CPO: variants seen among roughly 807,000 people sequenced by gnomAD.
The protein encoded by CPO is carboxypeptidase O, also known as metallocarboxypeptidase C.
In CPO, 43 loss-of-function variants were observed where a neutral mutation model predicts 41.2. The observed-to-expected ratio is 1.04, with a 90% CI of 0.82 to 1.35. The LOEUF (loss-of-function observed/expected upper bound fraction) is 1.35. CPO is among the 40% of genes most tolerant of loss of function. CPO has a pLI of 0.00. For missense variants in CPO, 408 were observed against 451.7 expected (o/e 0.90, Z 0.88); for synonymous variants, 178 against 162.7 (o/e 1.09, Z -0.72).
intron 1 of CPO, among the ~76,000 whole-genome samples, chr2:206,941,142 ATAAAC>A (rs201896581): frequency 0.018 from 2,716 of 152,160 alleles, 41 homozygotes; most frequent in Middle Eastern, 0.031. Flanking sequence ...TACTGAGGAA[ATAAAC>A]TAAAGTCTGA....
intron 1 of CPO, among the ~76,000 whole-genome samples, chr2:206,946,697 C>T (rs569509719): frequency 8.3e-4 from 126 of 152,102 alleles, no homozygotes; most frequent in Non-Finnish European, 1.4e-3. Flanking sequence ...ACATGATTAT[C>T]AATGTAGAAA....
chr2:206,955,618 G>T, intron 3 of CPO, 54 bp downstream of exon 3: 1 of 983,528 alleles, frequency 1.0e-6, no homozygotes. Flanking sequence ...AGGAGGATAT[G>T]TGTTTACTAT....
In CPO at chr2:206,949,859, C is replaced by A. The variant is rs117395292; in HGVS notation, c.165+146C>A. ...GCCAATACATTGAGTTCAAGGGATTCCTGAACATCTCCCCACCCGCCACCA... is the reference window on the plus strand; with the variant it reads ...GCCAATACATTGAGTTCAAGGGATTACTGAACATCTCCCCACCCGCCACCA... On this transcript the variant is annotated intron_variant, in intron 2 of 8. Transcript: ENST00000272852. 4.9e-3 allele frequency: 2,289 copies of A among 467,368 alleles called. 106 individuals are homozygous for A. In the East Asian group the frequency reaches 0.066, roughly 14 times the overall value. 29.0% of individuals were successfully genotyped at this position (467,368 alleles called of 1,614,324 possible).
rs749550407 is a variant in CPO at position 206,949,670 on chromosome 2, G to A, written c.122G>A (p.Ser41Asn). Reference protein sequence around the residue: ...EIVDKSVSPWSLETYSYNIYH... With the variant: ...EIVDKSVSPWNLETYSYNIYH... ...GTGGACAAGTCAGTGAGTCCATGGA[G>A]CCTGGAGACGTATTCCTATAACATA... The change falls in exon 2 of 9, where the codon AGC (serine) becomes AAC (asparagine). Residue 41 changes from serine to asparagine, a missense_variant. Coordinates refer to ENST00000272852, the MANE Select transcript of CPO (RefSeq NM_173077.3). The A allele has an allele frequency of 1.2e-6, 2 of 1,613,426 alleles. No homozygotes were observed. Among genetic ancestry groups the A allele is most frequent in the Non-Finnish European group, 1.7e-6 (2 of 1,179,450 alleles).
In CPO at chr2:206,959,691, T is replaced by C; in HGVS notation, c.433T>C (p.Tyr145His). The C allele has an allele frequency of 6.3e-7, 1 of 1,582,668 alleles. No individual in the cohort carries two copies. Residue 145 changes from tyrosine (Y) to histidine (H), a missense_variant, in exon 5 of 9, where the codon TAT becomes CAT. By Grantham distance (83) the Tyr-to-His change is moderately conservative (BLOSUM62 2). Coordinates refer to ENST00000272852, the MANE Select transcript of CPO (RefSeq NM_173077.3). ...CAAGCTCCTTAGGAACCTGGACTTC[T>C]ATGTCCTTCCAGTTCTTAACATAGA... Reference protein sequence around the residue: ...IRKLLRNLDFYVLPVLNIDGY... With the variant: ...IRKLLRNLDFHVLPVLNIDGY...
intron 2 of CPO, among the ~76,000 whole-genome samples, chr2:206,950,392 C>T (rs558808574): frequency 2.6e-5 from 4 of 152,216 alleles, no homozygotes; most frequent in East Asian, 1.9e-4. Context: ...TACCATCTCA[C>T]GTCTAGAATG....
chr2:206,951,028 A>G (rs1356923549), intron 2 of CPO, among the ~76,000 whole-genome samples: 1 of 152,102 alleles, frequency 6.6e-6, no homozygotes, highest in Non-Finnish European at 1.5e-5. Context: ...ATGTATACCT[A>G]TGTAACAAAC....
At position 206,939,620 on chromosome 2, in the gene CPO, C is replaced by A; in HGVS notation, c.21C>A (p.Thr7=). 3.7e-6 allele frequency: 6 copies of A among 1,611,212 alleles called. No homozygotes were observed. Among genetic ancestry groups the A allele is most frequent in the Non-Finnish European group, 5.1e-6 (6 of 1,177,952 alleles). MKPLLE[T]LYLLGMLVPG... Reference sequence around the variant, plus strand: ...GCAGAATGAAGCCTCTGCTTGAAACCCTTTATCTTTTGGGGATGCTGGTTC... The same window carrying A: ...GCAGAATGAAGCCTCTGCTTGAAACACTTTATCTTTTGGGGATGCTGGTTC... The change falls in exon 1 of 9, where the codon ACC becomes ACA. Residue 7 remains threonine (T), a synonymous_variant. Coordinates refer to ENST00000272852, the MANE Select transcript of CPO (RefSeq NM_173077.3).
chr2:206,952,000 T>C lies in CPO; in HGVS notation c.165+2287T>C, dbSNP rs1693274024. On this transcript the variant is annotated intron_variant, in intron 2 of 8. Transcript: ENST00000272852. ...TGAATAGACTGAAATGAAAATACCC[T>C]CACTTGAGTAAGTATTACTACTGTT... is the stretch of plus-strand genomic sequence containing the variant. Among the ~76,000 whole-genome samples the C allele has an allele frequency of 1.3e-5, 2 of 152,224 alleles. 1 individual carries two copies. Among genetic ancestry groups the C allele is most frequent in the Non-Finnish European group, 2.9e-5 (2 of 68,040 alleles).
chr2:206,966,856 C>T (rs779636574), intron 7 of CPO, among the ~76,000 whole-genome samples: 16 of 152,206 alleles, frequency 1.1e-4, no homozygotes, highest in Non-Finnish European at 1.8e-4. Context: ...CCCCCAACTT[C>T]CTTACTGCCT....
chr2:206,953,714 A>G (rs1462220260), intron 2 of CPO, among the ~76,000 whole-genome samples: 2 of 152,230 alleles, frequency 1.3e-5, no homozygotes, highest in Non-Finnish European at 2.9e-5. Context: ...CTCTAAGTGG[A>G]GTTCCAACCC....
chr2:206,946,795 T>C (rs1407352625), intron 1 of CPO, among the ~76,000 whole-genome samples: 2 of 152,138 alleles, frequency 1.3e-5, no homozygotes, highest in Non-Finnish European at 2.9e-5. Flanking sequence ...GAAAGTCAAT[T>C]GATTTCCTAT....
At chr2:206,949,093 G>A (rs1693203165) in intron 1 of CPO, among the ~76,000 whole-genome samples, 2 of 150,458 alleles carry the variant, frequency 1.3e-5, no homozygotes, top group Non-Finnish European at 3.0e-5. Context: ...AAAAAGATTA[G>A]TTCTCACCAT....
intron 7 of CPO, among the ~76,000 whole-genome samples, chr2:206,963,743 C>A (rs1043765580): frequency 1.3e-5 from 2 of 152,232 alleles, no homozygotes; most frequent in African/African-American, 4.8e-5. Context: ...ATCCTCTTAT[C>A]TGTCAACGGA....
Position 206,949,668 on chromosome 2 carries a change from G to C in CPO, c.120G>C (p.Trp40Cys). 2 of 1,613,488 alleles carry C rather than the reference G, an allele frequency of 1.2e-6. No homozygotes were observed. The highest frequency in any genetic ancestry group is 4.5e-5 in the East Asian group (2 of 44,858). Residue 40 changes from tryptophan (W) to cysteine (C), a missense_variant, in exon 2 of 9, where the codon TGG becomes TGC. Physicochemically the swap from Trp to Cys is radical, Grantham distance 215 (BLOSUM62 -2). Coordinates refer to ENST00000272852, the MANE Select transcript of CPO (RefSeq NM_173077.3). ...TTGTGGACAAGTCAGTGAGTCCATG[G>C]AGCCTGGAGACGTATTCCTATAACA... ...QEIVDKSVSPWSLETYSYNIY... is the reference protein window; with the variant it reads ...QEIVDKSVSPCSLETYSYNIY...
At chr2:206,968,653 C>T (rs903434370) in intron 8 of CPO, among the ~76,000 whole-genome samples, 15 of 152,230 alleles carry the variant, frequency 9.9e-5, no homozygotes, top group Non-Finnish European at 2.1e-4. Context: ...ACATTGTCCA[C>T]TGACCTTTGG....
At chr2:206,943,605 G>GA (rs11418160) in intron 1 of CPO, among the ~76,000 whole-genome samples, 52,576 of 128,594 alleles carry the variant, frequency 0.41, 11,445 homozygotes, top group Middle Eastern at 0.53. Context: ...AAGTCTTCAG[G>GA]AAAAAAAAAA....
At chr2:206,964,065 G>A (rs1204621464) in intron 7 of CPO, among the ~76,000 whole-genome samples, 2 of 152,102 alleles carry the variant, frequency 1.3e-5, no homozygotes, top group Non-Finnish European at 2.9e-5. Context: ...GAGAAGAAGT[G>A]GGGCTAAGCT....
intron 3 of CPO, 79 bp downstream of exon 3, chr2:206,955,643 C>T: frequency 1.2e-6 from 1 of 866,528 alleles, no homozygotes; most frequent in Non-Finnish European, 2.0e-6. Flanking sequence ...GGACTCTAAT[C>T]AGAAGTGTGG....
Sources: allele counts gnomAD v4.1 joint callset (sites outside exome capture counted in the v4.1 genomes callset), GRCh38; gene constraint gnomAD v4.1.1; transcripts MANE v1.5; gene names NCBI Gene and HGNC (gene_info 2026-07-23, HGNC 2026-07-21).